Variants in PATJ observed in about 807,000 individuals in gnomAD.
The protein encoded by PATJ is inaD-like protein.
Under a neutral mutation model 224.9 loss-of-function variants are expected in PATJ, and 190 were observed. The observed-to-expected ratio is 0.84, with a 90% confidence interval of 0.75 to 0.95. The LOEUF (loss-of-function observed/expected upper bound fraction) is 0.95. Ranked by LOEUF, PATJ falls within the 40% of genes least tolerant of loss-of-function variation. PATJ has a pLI of 0.00. For missense variants in PATJ, 2,121 were observed against 2,270.3 expected (o/e 0.93, Z 1.34); for synonymous variants, 769 against 820.3 (o/e 0.94, Z 1.07).
At chr1:62,000,506 G>C (rs1381452678) in intron 28 of PATJ, among the ~76,000 whole-genome samples, 1 of 151,620 alleles carries the variant, frequency 6.6e-6, no homozygotes, top group Non-Finnish European at 1.5e-5. Context: ...TTTCATCCAT[G>C]TCCCTGCAAA....
chr1:61,964,743 G>A (rs770944173), intron 27 of PATJ, among the ~76,000 whole-genome samples: 28 of 152,068 alleles, frequency 1.8e-4, no homozygotes, highest in East Asian at 1.4e-3. Flanking sequence ...AGCCAAGATC[G>A]TGCCACTGCA....
intron 24 of PATJ, among the ~76,000 whole-genome samples, chr1:61,907,794 AGTTAT>A (rs1357592368): frequency 1.3e-5 from 2 of 152,236 alleles, no homozygotes; most frequent in Non-Finnish European, 2.9e-5. Context: ...CATGTTAGCA[AGTTAT>A]GTTCTCTGAA....
chr1:62,080,231 A>G (rs1328666618), intron 32 of PATJ, among the ~76,000 whole-genome samples: 1 of 152,230 alleles, frequency 6.6e-6, no homozygotes, highest in Non-Finnish European at 1.5e-5. Context: ...ATGCTTAAAG[A>G]AATTGGCATG....
At chr1:62,043,730 G>A (rs1651967784) in intron 30 of PATJ, among the ~76,000 whole-genome samples, 1 of 151,524 alleles carries the variant, frequency 6.6e-6, no homozygotes, top group Non-Finnish European at 1.5e-5. Flanking sequence ...TTGGTTTGGG[G>A]GGGGCAGTTA....
At position 62,017,743 on chromosome 1, in the gene PATJ, AAAAAGAAAAG is replaced by A. The variant is rs1553243990; in HGVS notation, c.3868-99_3868-90del. 811 of 517,246 alleles carry A rather than the reference AAAAAGAAAAG, an allele frequency of 1.6e-3. 1 individual carries two copies. Among genetic ancestry groups the A allele is most frequent in the Admixed American group, 3.9e-3 (119 of 30,722 alleles). The allele number at this position is 517,246 out of a possible 1,614,324, so 32.0% of individuals were successfully genotyped here. A position where few individuals can be genotyped will look rare whatever the true frequency, so the allele number is the denominator to read the frequency against. Reference sequence around the variant, plus strand: ...TGAGACTGTCTCAAAAAAAAAAAAAAAAAAGAAAAGAAAAGAAAAGAAATTCAGTAGACTT... The same window carrying A: ...TGAGACTGTCTCAAAAAAAAAAAAAAAAAAGAAAAGAAATTCAGTAGACTT... On this transcript the variant is annotated intron_variant, in intron 28 of 43. Coordinates refer to ENST00000642238, the MANE Select transcript of PATJ (RefSeq NM_001350145.3).
chr1:61,822,806 C>T, intron 14 of PATJ, 139 bp from the exon 15 acceptor site: 2 of 940,208 alleles, frequency 2.1e-6, no homozygotes, highest in Non-Finnish European at 3.2e-6. Context: ...AGCTAATTTT[C>T]CTATTATTGT....
At chr1:61,936,432 CAAA>C (rs11455787) in intron 27 of PATJ, among the ~76,000 whole-genome samples, 7 of 92,732 alleles carry the variant, frequency 7.5e-5, no homozygotes, top group East Asian at 2.8e-4. Flanking sequence ...CTTCCAAGAC[CAAA>C]AAAAAAAAAA....
At chr1:61,896,922 AT>A (rs1202300357) in intron 22 of PATJ, among the ~76,000 whole-genome samples, 2 of 152,146 alleles carry the variant, frequency 1.3e-5, no homozygotes, top group Admixed American at 1.3e-4. Context: ...ATTAAACCTC[AT>A]TTCTTTTTAA....
intron 27 of PATJ, among the ~76,000 whole-genome samples, chr1:61,986,904 C>A (rs569293677): frequency 2.0e-5 from 3 of 151,782 alleles, no homozygotes; most frequent in Non-Finnish European, 4.4e-5. Flanking sequence ...CTTCTTATTT[C>A]TTTGCATTTG....
chr1:62,069,146 C>T (rs531784355), intron 31 of PATJ, among the ~76,000 whole-genome samples: 13 of 152,262 alleles, frequency 8.5e-5, no homozygotes, highest in South Asian at 4.1e-4. Context: ...GATCTAAAAA[C>T]GGAATCACTA....
At chr1:62,128,223 C>T (rs2148945322) in intron 40 of PATJ, 129 bp downstream of exon 40, 1 of 848,978 alleles carries the variant, frequency 1.2e-6, no homozygotes, top group Non-Finnish European at 1.8e-6. Flanking sequence ...GGGCAAGATG[C>T]ATTAGATAAA....
At chr1:62,127,606 G>C (rs1665856975) in intron 39 of PATJ, among the ~76,000 whole-genome samples, 1 of 152,062 alleles carries the variant, frequency 6.6e-6, no homozygotes, top group African/African-American at 2.4e-5. Flanking sequence ...AGGAGTTGGA[G>C]ACCTGCCTGG....
intron 27 of PATJ, among the ~76,000 whole-genome samples, chr1:61,950,203 A>G (rs1268616508): frequency 6.6e-6 from 1 of 152,218 alleles, no homozygotes; most frequent in Non-Finnish European, 1.5e-5. Context: ...GACTCCACCT[A>G]AAAAATAAAT....
chr1:62,126,537 A>T (rs1665737214), intron 39 of PATJ, among the ~76,000 whole-genome samples: 1 of 152,242 alleles, frequency 6.6e-6, no homozygotes, highest in Non-Finnish European at 1.5e-5. Context: ...GATTTTAAAA[A>T]TATTAACCCT....
intron 27 of PATJ, among the ~76,000 whole-genome samples, chr1:61,977,336 C>A (rs2149486658): frequency 6.6e-6 from 1 of 152,088 alleles, no homozygotes; most frequent in African/African-American, 2.4e-5. Flanking sequence ...GTAATTGGCC[C>A]ACCTCAGCCT....
chr1:62,046,022 GA>G (rs887551737), intron 30 of PATJ, among the ~76,000 whole-genome samples: 1 of 152,046 alleles, frequency 6.6e-6, no homozygotes, highest in African/African-American at 2.4e-5. Flanking sequence ...GCAGCATGGT[GA>G]AACCCTGTCT....
intron 26 of PATJ, among the ~76,000 whole-genome samples, chr1:61,917,075 C>T (rs1193590816): frequency 2.0e-5 from 3 of 152,222 alleles, no homozygotes; most frequent in Non-Finnish European, 2.9e-5. Flanking sequence ...GACTGCATGA[C>T]TCCTAAACCA....
chr1:61,815,561 G>A (rs945970804), intron 14 of PATJ, among the ~76,000 whole-genome samples: 2 of 152,120 alleles, frequency 1.3e-5, no homozygotes, highest in Non-Finnish European at 2.9e-5. Context: ...GATTCCAGAA[G>A]CATCTACATG....
intron 27 of PATJ, among the ~76,000 whole-genome samples, chr1:61,930,544 A>G (rs1675874985): frequency 6.6e-6 from 1 of 152,102 alleles, no homozygotes; most frequent in Non-Finnish European, 1.5e-5. Flanking sequence ...TGCTGATTTT[A>G]TTAGAGAGAT....
Sources: allele counts gnomAD v4.1 joint callset (sites outside exome capture counted in the v4.1 genomes callset), GRCh38; gene constraint gnomAD v4.1.1; transcripts MANE v1.5; gene names NCBI Gene and HGNC (gene_info 2026-07-23, HGNC 2026-07-21).